Variants in HPSE2 observed in about 807,000 individuals in gnomAD.
HPSE2 encodes inactive heparanase-2.
In HPSE2, 38 loss-of-function variants were observed where a neutral mutation model predicts 60.5. That is an observed-to-expected ratio of 0.63 (90% confidence interval 0.48 to 0.82). The LOEUF (loss-of-function observed/expected upper bound fraction) is 0.82, where lower values mean the gene tolerates loss of function less well. Among genes scored for constraint, HPSE2 ranks in the 40% least tolerant of loss-of-function variants. The pLI is 0.00. For missense variants in HPSE2, 713 were observed against 740.4 expected (o/e 0.96, Z 0.43); for synonymous variants, 295 against 293.2 (o/e 1.01, Z -0.06).
chr10:98,615,052 A>AT (rs754275178), intron 8 of HPSE2, 34 bp from the exon 9 acceptor site: 20 of 1,462,244 alleles, frequency 1.4e-5, no homozygotes, highest in Non-Finnish European at 1.9e-5. Context: ...ACATCAATAT[A>AT]TTTTTTAAAT....
chr10:99,146,420 G>C (rs1589728509), intron 2 of HPSE2, among the ~76,000 whole-genome samples: 1 of 152,196 alleles, frequency 6.6e-6, no homozygotes, highest in South Asian at 2.1e-4. Flanking sequence ...CTTAAAGGGG[G>C]ACTTCCCTTG....
intron 2 of HPSE2, among the ~76,000 whole-genome samples, chr10:99,155,660 C>T (rs1447755439): frequency 2.7e-5 from 4 of 147,988 alleles, no homozygotes; most frequent in African/African-American, 5.0e-5. Flanking sequence ...AGGAAAGATC[C>T]AAAATTGACA....
At position 98,465,925 on chromosome 10, in the gene HPSE2, T is replaced by C. The variant is rs1345025023; in HGVS notation, c.1614-6186A>G. Reference sequence around the variant, plus strand: ...TTTTCCAATCCCTACACTTGTTTTATTAATTTTGAATGTTATTTAAAATGG... The same window carrying C: ...TTTTCCAATCCCTACACTTGTTTTACTAATTTTGAATGTTATTTAAAATGG... On this transcript the variant is annotated intron_variant, in intron 11 of 11. Transcript: ENST00000370552. 4.6e-5 allele frequency among the ~76,000 whole-genome samples: 7 copies of C among 152,232 alleles called. No individual in the cohort carries two copies. In the East Asian group the frequency reaches 1.3e-3, roughly 29 times the overall value.
intron 9 of HPSE2, among the ~76,000 whole-genome samples, chr10:98,545,343 C>A (rs1943631052): frequency 6.6e-6 from 1 of 152,012 alleles, no homozygotes; most frequent in East Asian, 1.9e-4. Context: ...CGGGCAGAGA[C>A]ACAACCAAAA....
intron 3 of HPSE2, among the ~76,000 whole-genome samples, chr10:98,859,726 T>C (rs992296301): frequency 2.6e-5 from 4 of 152,172 alleles, no homozygotes; most frequent in Non-Finnish European, 5.9e-5. Context: ...GACTGAAGTA[T>C]ACCACCAGCT....
At position 98,490,494 on chromosome 10, in the gene HPSE2, T is replaced by A. The variant is rs192883307; in HGVS notation, c.1321-298A>T. ...TGAACAAATCAATCAAGGATTTTCA[T>A]ATATGAAATAAAACCATTTGAGGCT... On this transcript the variant is annotated intron_variant, in intron 9 of 11. Transcript: ENST00000370552. 1.5e-3 allele frequency among the ~76,000 whole-genome samples: 223 copies of A among 152,356 alleles called. 1 individual carries two copies. Among genetic ancestry groups the A allele is most frequent in the Non-Finnish European group, 2.7e-3 (187 of 68,032 alleles).
chr10:98,629,508 G>GT (rs1287196321), intron 7 of HPSE2, among the ~76,000 whole-genome samples: 2 of 152,116 alleles, frequency 1.3e-5, no homozygotes, highest in South Asian at 2.1e-4. Flanking sequence ...CTTCTTTTGT[G>GT]TTTTTTGACT....
the HPSE2 span, among the ~76,000 whole-genome samples, chr10:99,298,957 G>A: frequency 6.6e-6 from 1 of 152,174 alleles, no homozygotes; most frequent in African/African-American, 2.4e-5. Context: ...ACAGGTGTGA[G>A]CCACTGTGCC....
intron 7 of HPSE2, among the ~76,000 whole-genome samples, chr10:98,630,373 A>G (rs1192588344): frequency 6.6e-6 from 1 of 151,546 alleles, no homozygotes; most frequent in Non-Finnish European, 1.5e-5. Flanking sequence ...AATTTTTTGT[A>G]TTTTTAGTAG....
chr10:98,892,912 G>A (rs1953377064), intron 3 of HPSE2, among the ~76,000 whole-genome samples: 1 of 152,130 alleles, frequency 6.6e-6, no homozygotes, highest in African/African-American at 2.4e-5. Flanking sequence ...CTGGAGCAGG[G>A]AACAGGAGGG....
chr10:98,622,639 A>G (rs1388937384), intron 7 of HPSE2, among the ~76,000 whole-genome samples: 2 of 152,220 alleles, frequency 1.3e-5, no homozygotes, highest in East Asian at 3.8e-4. Flanking sequence ...GACCCTTTTC[A>G]GAAACAAAGT....
intron 3 of HPSE2, among the ~76,000 whole-genome samples, chr10:99,038,478 C>T (rs1957659901): frequency 6.6e-6 from 1 of 151,998 alleles, no homozygotes; most frequent in Non-Finnish European, 1.5e-5. Context: ...ATTATAGAGA[C>T]AGAAAACAGA....
chr10:98,956,603 A>G (rs1424556644), intron 3 of HPSE2, among the ~76,000 whole-genome samples: 3 of 152,186 alleles, frequency 2.0e-5, no homozygotes, highest in South Asian at 2.1e-4. Context: ...CAGCCACCAC[A>G]TTAGGTATTC....
intron 3 of HPSE2, among the ~76,000 whole-genome samples, chr10:98,917,796 G>T (rs940182719): frequency 6.6e-6 from 1 of 152,220 alleles, no homozygotes; most frequent in Admixed American, 6.5e-5. Context: ...TTGTACAGGA[G>T]AAACTGGTAG....
chr10:98,990,807 C>T (rs1359976735), intron 3 of HPSE2, among the ~76,000 whole-genome samples: 8 of 152,174 alleles, frequency 5.3e-5, no homozygotes, highest in African/African-American at 1.9e-4. Flanking sequence ...AGAGTCTATC[C>T]TATTTAATAG....
chr10:98,761,238 G>A lies in HPSE2; in HGVS notation c.611-17182C>T, dbSNP rs184495903. Among the ~76,000 whole-genome samples, 194 of 152,010 alleles carry A rather than the reference G, an allele frequency of 1.3e-3. 1 individual carries two copies. Among genetic ancestry groups the A allele is most frequent in the Non-Finnish European group, 1.3e-3 (86 of 67,946 alleles). Reference sequence around the variant, plus strand: ...ACTAACATGGGAATAATAAAAATGAGAACAGAAATAAATGAAATAGACATT... The same window carrying A: ...ACTAACATGGGAATAATAAAAATGAAAACAGAAATAAATGAAATAGACATT... On this transcript the variant is annotated intron_variant, in intron 3 of 11. Coordinates refer to ENST00000370552, the MANE Select transcript of HPSE2 (RefSeq NM_021828.5).
intron 9 of HPSE2, among the ~76,000 whole-genome samples, chr10:98,525,720 G>A (rs545351520): frequency 4.8e-4 from 73 of 152,290 alleles, no homozygotes; most frequent in South Asian, 8.3e-4. Flanking sequence ...TGCAGGAAGT[G>A]AAATATGGGA....
At chr10:98,706,427 A>C (rs1565096951) in intron 5 of HPSE2, among the ~76,000 whole-genome samples, 1 of 152,180 alleles carries the variant, frequency 6.6e-6, no homozygotes, top group East Asian at 1.9e-4. Context: ...CGACTGGCTC[A>C]GGGCCTCTGC....
At chr10:99,165,632 C>T (rs187158291) in intron 2 of HPSE2, among the ~76,000 whole-genome samples, 50 of 151,076 alleles carry the variant, frequency 3.3e-4, no homozygotes, top group African/African-American at 1.2e-3. Flanking sequence ...CTGCAACCTC[C>T]ACCTCCTGGG....
Sources: allele counts gnomAD v4.1 joint callset (sites outside exome capture counted in the v4.1 genomes callset), GRCh38; gene constraint gnomAD v4.1.1; transcripts MANE v1.5; gene names NCBI Gene and HGNC (gene_info 2026-07-23, HGNC 2026-07-21).